Variants in CRADD observed in about 807,000 individuals in gnomAD.
The protein encoded by CRADD is death domain-containing protein CRADD.
CRADD carries 9 observed loss-of-function variants against 15.5 expected under a neutral mutation model. The observed-to-expected ratio is 0.58, with a 90% CI of 0.35 to 1.01. CRADD has a LOEUF of 1.01. Among genes scored for constraint, CRADD ranks in the 50% least tolerant of loss-of-function variants. The pLI is 0.02. For missense variants in CRADD, 227 were observed against 250.3 expected (o/e 0.91, Z 0.63); for synonymous variants, 118 against 107.6 (o/e 1.10, Z -0.60).
intron 2 of CRADD, among the ~76,000 whole-genome samples, chr12:93,764,507 T>C (rs10437878): frequency 0.043 from 6,605 of 152,224 alleles, 335 homozygotes; most frequent in East Asian, 0.19. Flanking sequence ...AGTCCTCTTA[T>C]TGATAGATTT....
intron 2 of CRADD, among the ~76,000 whole-genome samples, chr12:93,800,801 T>A (rs948367320): frequency 1.3e-5 from 2 of 152,140 alleles, no homozygotes; most frequent in Non-Finnish European, 2.9e-5. Context: ...CAAATGCTAC[T>A]CTCTTATGAA....
chr12:93,772,016 A>T (rs1286425107), intron 2 of CRADD, among the ~76,000 whole-genome samples: 1 of 152,232 alleles, frequency 6.6e-6, no homozygotes, highest in Non-Finnish European at 1.5e-5. Context: ...CTTTATTTAA[A>T]TTATCGTCTT....
At chr12:93,682,813 G>GA (rs111247347) in intron 2 of CRADD, among the ~76,000 whole-genome samples, 1,465 of 144,558 alleles carry the variant, frequency 0.01, 35 homozygotes, top group African/African-American at 0.035. Context: ...TCTCTGTTAG[G>GA]AAAAAAAAAA....
At chr12:93,694,443 T>C (rs1284443343) in intron 2 of CRADD, among the ~76,000 whole-genome samples, 1 of 152,134 alleles carries the variant, frequency 6.6e-6, no homozygotes, top group Non-Finnish European at 1.5e-5. Context: ...CCACTCTTAC[T>C]CAACATAATA....
chr12:93,720,999 C>G (rs1165508600), intron 2 of CRADD, among the ~76,000 whole-genome samples: 3 of 152,072 alleles, frequency 2.0e-5, no homozygotes, highest in Non-Finnish European at 1.5e-5. Context: ...CTATTTTTAT[C>G]TTCCACACTT....
intron 2 of CRADD, among the ~76,000 whole-genome samples, chr12:93,805,269 TTC>T (rs1957523906): frequency 6.6e-6 from 1 of 152,012 alleles, no homozygotes; most frequent in African/African-American, 2.4e-5. Flanking sequence ...AAATATATAT[TTC>T]TGAGTCTTTT....
chr12:93,884,482 G>A (rs768824908), intron 2 of CRADD, among the ~76,000 whole-genome samples: 6 of 152,134 alleles, frequency 3.9e-5, no homozygotes, highest in African/African-American at 1.4e-4. Flanking sequence ...ACTATTTCCC[G>A]ACTGATTCTT....
chr12:93,836,144 G>A (rs762615558), intron 2 of CRADD: 15 of 152,106 alleles, frequency 9.9e-5, no homozygotes, highest in East Asian at 3.8e-4. Flanking sequence ...ATCTCCTGTC[G>A]CTTCATGTAG....
intron 2 of CRADD, among the ~76,000 whole-genome samples, chr12:93,862,505 A>G (rs1958326639): frequency 6.6e-6 from 1 of 152,092 alleles, no homozygotes. Flanking sequence ...TGCTAGAGGA[A>G]GGGGAAGGTG....
At chr12:93,857,392 A>C (rs907817825) in intron 2 of CRADD, among the ~76,000 whole-genome samples, 4 of 152,238 alleles carry the variant, frequency 2.6e-5, no homozygotes, top group African/African-American at 9.6e-5. Flanking sequence ...GGTCTTCAGC[A>C]CGACTCATCA....
intron 2 of CRADD, among the ~76,000 whole-genome samples, chr12:93,806,779 G>A (rs35715048): frequency 0.32 from 49,168 of 152,082 alleles, 8,613 homozygotes; most frequent in East Asian, 0.69. Context: ...ATGATTTGAT[G>A]AACTAGGTTT....
At chr12:93,682,586 T>C (rs900367150) in intron 2 of CRADD, among the ~76,000 whole-genome samples, 5 of 152,224 alleles carry the variant, frequency 3.3e-5, no homozygotes, top group Admixed American at 3.3e-4. Context: ...GTTGTTTCAC[T>C]TGTAAATTTT....
At chr12:93,820,077 G>A (rs1957752210) in intron 2 of CRADD, among the ~76,000 whole-genome samples, 1 of 152,182 alleles carries the variant, frequency 6.6e-6, no homozygotes, top group South Asian at 2.1e-4. Context: ...TGGACCATCA[G>A]CCCCCTTTGA....
intron 2 of CRADD, among the ~76,000 whole-genome samples, chr12:93,767,054 G>C (rs1329870680): frequency 6.6e-6 from 1 of 152,120 alleles, no homozygotes; most frequent in East Asian, 1.9e-4. Context: ...CAGACCCTCG[G>C]GCCTTGTCCT....
chr12:93,757,501 C>T (rs537666204), intron 2 of CRADD, among the ~76,000 whole-genome samples: 41 of 152,312 alleles, frequency 2.7e-4, no homozygotes, highest in Admixed American at 2.2e-3. Flanking sequence ...TTTCATCTCT[C>T]CCATCTCTAG....
At chr12:93,813,056 TATATC>T (rs1273589003) in intron 2 of CRADD, among the ~76,000 whole-genome samples, 1 of 152,254 alleles carries the variant, frequency 6.6e-6, no homozygotes, top group Non-Finnish European at 1.5e-5. Context: ...GGATATGTGT[TATATC>T]ATAAAAGAAT....
At chr12:93,746,529 A>G (rs957238114) in intron 2 of CRADD, among the ~76,000 whole-genome samples, 8 of 152,202 alleles carry the variant, frequency 5.3e-5, no homozygotes, top group Non-Finnish European at 1.0e-4. Context: ...GAAAACTTTT[A>G]TCATGAAGAA....
rs115217104 is a variant in CRADD at position 93,820,089 on chromosome 12, G to A, written c.299-29881G>A. On this transcript the variant is annotated intron_variant, in intron 2 of 2. Coordinates refer to ENST00000332896, the MANE Select transcript of CRADD (RefSeq NM_003805.5). ...AACTGGACCATCAGCCCCCTTTGATGCTTCCCTCTGTCTTGCCCCTGTATT... is the reference window on the plus strand; with the variant it reads ...AACTGGACCATCAGCCCCCTTTGATACTTCCCTCTGTCTTGCCCCTGTATT... Among the ~76,000 whole-genome samples the A allele has an allele frequency of 5.1e-3, 781 of 152,256 alleles. 8 individuals carry two copies. The highest frequency in any genetic ancestry group is 0.017 in the African/African-American group (727 of 41,544).
intron 2 of CRADD, among the ~76,000 whole-genome samples, chr12:93,836,465 C>T (rs1295773784): frequency 3.3e-5 from 5 of 152,286 alleles, no homozygotes; most frequent in African/African-American, 1.2e-4. Context: ...TTTCTCTTTT[C>T]AAATGAAACA....
Sources: allele counts gnomAD v4.1 joint callset (sites outside exome capture counted in the v4.1 genomes callset), GRCh38; gene constraint gnomAD v4.1.1; transcripts MANE v1.5; gene names NCBI Gene and HGNC (gene_info 2026-07-23, HGNC 2026-07-21).